Variants in RNGTT observed in about 807,000 individuals in gnomAD.
RNGTT encodes RNA guanylyltransferase and 5'-phosphatase.
In RNGTT, 33 loss-of-function variants were observed where a neutral mutation model predicts 79.3. That is an observed-to-expected ratio of 0.42 (90% CI 0.32 to 0.56). The LOEUF is 0.56. Ranked by LOEUF, RNGTT falls within the 20% of genes least tolerant of loss-of-function variation. The pLI, the probability that RNGTT is intolerant of heterozygous loss-of-function variation, is 0.17. For missense variants in RNGTT, 497 were observed against 739.1 expected (o/e 0.67, Z 3.80); for synonymous variants, 222 against 235.9 (o/e 0.94, Z 0.54).
intron 8 of RNGTT, among the ~76,000 whole-genome samples, chr6:88,885,824 T>C (rs544550106): frequency 3.6e-4 from 55 of 152,172 alleles, no homozygotes; most frequent in Non-Finnish European, 6.8e-4. Flanking sequence ...ACATCATCAC[T>C]AATAGGAGAA....
At chr6:88,736,874 CA>C (rs1777305696) in intron 13 of RNGTT, among the ~76,000 whole-genome samples, 1 of 152,154 alleles carries the variant, frequency 6.6e-6, no homozygotes. Context: ...GTAACAACAC[CA>C]AATGTGATTT....
At chr6:88,885,898 A>C (rs1288198438) in intron 8 of RNGTT, among the ~76,000 whole-genome samples, 1 of 152,218 alleles carries the variant, frequency 6.6e-6, no homozygotes, top group Non-Finnish European at 1.5e-5. Flanking sequence ...TCTTGCAAGC[A>C]TGCCCAACTT....
chr6:88,677,428 A>T (rs146500521), intron 14 of RNGTT, among the ~76,000 whole-genome samples: 1 of 152,194 alleles, frequency 6.6e-6, no homozygotes, highest in East Asian at 1.9e-4. Context: ...CAAATTGTAC[A>T]GTTTATTGTT....
intron 13 of RNGTT, among the ~76,000 whole-genome samples, chr6:88,723,696 T>G (rs1041753452): frequency 6.6e-6 from 1 of 152,004 alleles, no homozygotes; most frequent in African/African-American, 2.4e-5. Context: ...AAAGAAAATA[T>G]TTTTATACAG....
chr6:88,878,135 G>A (rs1782577688), intron 8 of RNGTT, among the ~76,000 whole-genome samples: 1 of 151,346 alleles, frequency 6.6e-6, no homozygotes, highest in South Asian at 2.1e-4. Context: ...TTTCTCCGTA[G>A]CCCAGGCTGA....
chr6:88,910,482 T>C (rs1223652246), intron 4 of RNGTT, among the ~76,000 whole-genome samples: 1 of 152,100 alleles, frequency 6.6e-6, no homozygotes, highest in East Asian at 1.9e-4. Flanking sequence ...ACAAAGCCTC[T>C]GAGAAATAAT....
Position 88,676,253 on chromosome 6 carries a change from T to C in RNGTT, c.1506+2100A>G, listed in dbSNP as rs113458671. 6.0e-3 allele frequency among the ~76,000 whole-genome samples: 912 copies of C among 152,266 alleles called. 7 individuals carry two copies. Among genetic ancestry groups the C allele is most frequent in the African/African-American group, 0.021 (874 of 41,536 alleles). On this transcript the variant is annotated intron_variant, in intron 14 of 15. Coordinates refer to ENST00000369485, the MANE Select transcript of RNGTT (RefSeq NM_003800.5). ...AAGAGTCCAGAAATAGATTCACACA[T>C]ATATGGATAAACTGATTTTCAACAA...
At chr6:88,866,512 G>A (rs1782171075) in intron 8 of RNGTT, among the ~76,000 whole-genome samples, 1 of 152,020 alleles carries the variant, frequency 6.6e-6, no homozygotes, top group African/African-American at 2.4e-5. Flanking sequence ...ATAAAAACAT[G>A]ATTTACCCTA....
At chr6:88,636,968 A>G (rs1298615022) in intron 14 of RNGTT, among the ~76,000 whole-genome samples, 1 of 152,078 alleles carries the variant, frequency 6.6e-6, no homozygotes, top group African/African-American at 2.4e-5. Context: ...GCTTTTGATA[A>G]ATGTGCACTG....
intron 11 of RNGTT, among the ~76,000 whole-genome samples, chr6:88,828,419 T>C (rs1780742429): frequency 6.6e-6 from 1 of 152,026 alleles, no homozygotes; most frequent in Non-Finnish European, 1.5e-5. Context: ...GGTAGATAAA[T>C]GCACAAAGAT....
intron 11 of RNGTT, among the ~76,000 whole-genome samples, chr6:88,833,443 G>GGA (rs1780948199): frequency 6.6e-6 from 1 of 152,132 alleles, no homozygotes; most frequent in East Asian, 1.9e-4. Flanking sequence ...GCTATGGGAG[G>GGA]GATAGCATTA....
intron 13 of RNGTT, among the ~76,000 whole-genome samples, chr6:88,739,949 T>A (rs1386925091): frequency 6.6e-6 from 1 of 151,816 alleles, no homozygotes; most frequent in East Asian, 1.9e-4. Flanking sequence ...TGTCTACTAA[T>A]TAATACCATC....
At chr6:88,961,593 C>T (rs897003251) in intron 1 of RNGTT, among the ~76,000 whole-genome samples, 2 of 152,176 alleles carry the variant, frequency 1.3e-5, no homozygotes, top group African/African-American at 2.4e-5. Flanking sequence ...CATACCACCA[C>T]GCCATCATAG....
At chr6:88,961,397 C>T (rs1785618134) in intron 1 of RNGTT, among the ~76,000 whole-genome samples, 1 of 151,662 alleles carries the variant, frequency 6.6e-6, no homozygotes, top group Non-Finnish European at 1.5e-5. Flanking sequence ...TTCTGTCCCT[C>T]TAGAGAACCC....
At chr6:88,927,194 T>C (rs1784347248) in intron 4 of RNGTT, among the ~76,000 whole-genome samples, 1 of 152,188 alleles carries the variant, frequency 6.6e-6, no homozygotes, top group African/African-American at 2.4e-5. Context: ...AACTACTCAA[T>C]AAACTGTGCT....
intron 13 of RNGTT, among the ~76,000 whole-genome samples, chr6:88,681,535 T>C (rs980989166): frequency 6.6e-6 from 1 of 152,164 alleles, no homozygotes; most frequent in African/African-American, 2.4e-5. Context: ...ACACAAATTC[T>C]CACTTTTAAA....
intron 9 of RNGTT, among the ~76,000 whole-genome samples, chr6:88,853,362 G>A (rs1031025659): frequency 5.3e-5 from 8 of 152,154 alleles, no homozygotes; most frequent in Middle Eastern, 3.4e-3. Context: ...AAAATTAGCC[G>A]GGCGTGGTGG....
intron 13 of RNGTT, among the ~76,000 whole-genome samples, chr6:88,766,673 C>A (rs1338453339): frequency 6.6e-6 from 1 of 152,060 alleles, no homozygotes; most frequent in Non-Finnish European, 1.5e-5. Context: ...TAACAGAAAT[C>A]TATACTATTA....
intron 13 of RNGTT, among the ~76,000 whole-genome samples, chr6:88,728,500 G>C (rs1776997606): frequency 6.6e-6 from 1 of 152,188 alleles, no homozygotes; most frequent in East Asian, 1.9e-4. Context: ...GCTCCAACTG[G>C]TTTTTGTAAT....
Sources: allele counts gnomAD v4.1 joint callset (sites outside exome capture counted in the v4.1 genomes callset), GRCh38; gene constraint gnomAD v4.1.1; transcripts MANE v1.5; gene names NCBI Gene and HGNC (gene_info 2026-07-23, HGNC 2026-07-21).